Variants in GRIK1 observed in about 807,000 individuals in gnomAD.
GRIK1 encodes the protein glutamate receptor ionotropic, kainate 1.
In GRIK1, 69 loss-of-function variants were observed where a neutral mutation model predicts 105.7. The observed-to-expected ratio is 0.65, with a 90% CI of 0.54 to 0.80. GRIK1 has a LOEUF of 0.80. GRIK1 is among the 30% of genes least tolerant of loss of function. The pLI, the probability that GRIK1 is intolerant of heterozygous loss-of-function variation, is 0.00. For synonymous variants in GRIK1, 438 were observed against 431.3 expected (o/e 1.02, Z -0.19); for missense variants, 1,109 against 1,167.3 (o/e 0.95, Z 0.73).
chr21:29,809,102 C>G (rs2066940476), intron 1 of GRIK1, among the ~76,000 whole-genome samples: 1 of 151,996 alleles, frequency 6.6e-6, no homozygotes, highest in African/African-American at 2.4e-5. Context: ...TTTACAGAAG[C>G]ATCATGAAAA....
chr21:29,585,623 C>T (rs145532086), intron 12 of GRIK1, among the ~76,000 whole-genome samples: 23 of 152,236 alleles, frequency 1.5e-4, no homozygotes, highest in African/African-American at 5.5e-4. Context: ...CCCTGGGCTG[C>T]ATGAATTGCT....
At chr21:29,740,721 A>T (rs748787241) in intron 1 of GRIK1, among the ~76,000 whole-genome samples, 1 of 152,162 alleles carries the variant, frequency 6.6e-6, no homozygotes, top group Non-Finnish European at 1.5e-5. Flanking sequence ...TACTCCTTTA[A>T]TGTTTGATAG....
intron 13 of GRIK1, among the ~76,000 whole-genome samples, chr21:29,579,444 G>A (rs1468982239): frequency 6.6e-6 from 1 of 152,160 alleles, no homozygotes; most frequent in Non-Finnish European, 1.5e-5. Flanking sequence ...ACTTGCTGAA[G>A]TCTCTTTAGT....
intron 1 of GRIK1, among the ~76,000 whole-genome samples, chr21:29,793,791 G>A (rs1261998447): frequency 6.6e-6 from 1 of 152,088 alleles, no homozygotes; most frequent in African/African-American, 2.4e-5. Flanking sequence ...TTTGCTTATA[G>A]CGGTGCTCCA....
intron 7 of GRIK1, among the ~76,000 whole-genome samples, chr21:29,599,993 G>C (rs2146325235): frequency 6.6e-6 from 1 of 152,216 alleles, no homozygotes; most frequent in Middle Eastern, 3.4e-3. Context: ...GGCTGAGTCA[G>C]GAGAATCGCT....
intron 7 of GRIK1, among the ~76,000 whole-genome samples, chr21:29,620,782 G>GAT (rs1303807750): frequency 4.9e-5 from 6 of 122,844 alleles, no homozygotes; most frequent in African/African-American, 1.5e-4. Flanking sequence ...TATATATATA[G>GAT]ATATATATAT....
At chr21:29,885,596 T>C (rs935836109) in intron 1 of GRIK1, among the ~76,000 whole-genome samples, 2 of 152,108 alleles carry the variant, frequency 1.3e-5, no homozygotes, top group African/African-American at 4.8e-5. Context: ...AAAGGTAGAA[T>C]GAGTGACAAA....
At chr21:29,587,301 C>A in intron 12 of GRIK1, 65 bp downstream of exon 12, 1 of 1,016,284 alleles carries the variant, frequency 9.8e-7, no homozygotes, top group Non-Finnish European at 1.5e-6. Context: ...TTGTCTGCCT[C>A]TGGGACATAC....
At chr21:29,931,697 A>G (rs1362208560) in intron 1 of GRIK1, among the ~76,000 whole-genome samples, 2 of 152,098 alleles carry the variant, frequency 1.3e-5, no homozygotes, top group Non-Finnish European at 2.9e-5. Flanking sequence ...GAGGAGCTCT[A>G]GGTGCCAGGA....
At chr21:29,894,265 G>A (rs902024487) in intron 1 of GRIK1, among the ~76,000 whole-genome samples, 1 of 152,152 alleles carries the variant, frequency 6.6e-6, no homozygotes, top group African/African-American at 2.4e-5. Flanking sequence ...GAAGCCAGTG[G>A]TGGATCAGCC....
chr21:29,766,385 C>T (rs1345767903), intron 1 of GRIK1, among the ~76,000 whole-genome samples: 3 of 152,056 alleles, frequency 2.0e-5, no homozygotes, highest in Non-Finnish European at 4.4e-5. Flanking sequence ...CAGGGTGTTG[C>T]TAAACATTCT....
chr21:29,939,491 C>G lies in GRIK1; in HGVS notation c.10G>C (p.Gly4Arg), dbSNP rs765040687. ...AGCCCGGGCTGGGCGAGGAGTGTGC[C>G]GTGCTCCATCTTCCTAGCTTCTTAA... The part of the protein sequence containing the change: MEH[G>R]TLLAQPGLWT... The change falls in exon 1 of 18, where the codon GGC (glycine) becomes CGC (arginine). Residue 4 changes from glycine to arginine, a missense_variant. By Grantham distance (125) the Gly-to-Arg change is moderately radical. Coordinates refer to ENST00000327783, the MANE Select transcript of GRIK1 (RefSeq NM_001330994.2). 27 of 1,575,396 alleles carry G rather than the reference C, an allele frequency of 1.7e-5. No individual in the cohort carries two copies. The highest frequency in any genetic ancestry group is 2.4e-5 in the East Asian group (1 of 41,686).
intron 7 of GRIK1, among the ~76,000 whole-genome samples, chr21:29,623,207 G>A (rs1230001025): frequency 2.0e-5 from 3 of 152,170 alleles, no homozygotes; most frequent in Non-Finnish European, 4.4e-5. Context: ...GCAGGCAAGA[G>A]CGAGAGCATG....
At chr21:29,654,972 T>A in intron 4 of GRIK1, 109 bp from the exon 5 acceptor site, 1 of 773,026 alleles carries the variant, frequency 1.3e-6, no homozygotes, top group Non-Finnish European at 2.3e-6. Flanking sequence ...GAAGGGACTT[T>A]GGAAATCCAC....
At chr21:29,657,940 G>A (rs368951181) in intron 4 of GRIK1, 5 of 152,236 alleles carry the variant, frequency 3.3e-5, no homozygotes, top group African/African-American at 9.6e-5. Context: ...GTGTAATCAC[G>A]ATATAGGGAG....
At chr21:29,645,015 T>C (rs994558216) in intron 6 of GRIK1, among the ~76,000 whole-genome samples, 2 of 152,200 alleles carry the variant, frequency 1.3e-5, no homozygotes, top group African/African-American at 2.4e-5. Flanking sequence ...CCGTTAACCA[T>C]AAAGCTGTGC....
At chr21:29,826,982 C>CA (rs1001610539) in intron 1 of GRIK1, among the ~76,000 whole-genome samples, 1 of 152,026 alleles carries the variant, frequency 6.6e-6, no homozygotes, top group African/African-American at 2.4e-5. Context: ...GCGTTTATTT[C>CA]AAAAACACAT....
chr21:29,848,472 T>C (rs1488291881), intron 1 of GRIK1, among the ~76,000 whole-genome samples: 1 of 152,164 alleles, frequency 6.6e-6, no homozygotes, highest in Non-Finnish European at 1.5e-5. Flanking sequence ...TATTAGAGTC[T>C]AAATCATACA....
chr21:29,554,971 G>A (rs2090211816), intron 16 of GRIK1, 81 bp downstream of exon 16: 2 of 1,208,690 alleles, frequency 1.7e-6, no homozygotes, highest in African/African-American at 3.0e-5. Flanking sequence ...CTGAAAAAGA[G>A]CAAACATCCT....
Sources: allele counts gnomAD v4.1 joint callset (sites outside exome capture counted in the v4.1 genomes callset), GRCh38; gene constraint gnomAD v4.1.1; transcripts MANE v1.5; gene names NCBI Gene and HGNC (gene_info 2026-07-23, HGNC 2026-07-21).